Variants in KLHL29 observed in about 807,000 individuals in gnomAD.
KLHL29 encodes the protein kelch-like protein 29.
Under a neutral mutation model 80.4 loss-of-function variants are expected in KLHL29, and 21 were observed. The observed-to-expected ratio is 0.26, with a 90% confidence interval of 0.19 to 0.38. The LOEUF (loss-of-function observed/expected upper bound fraction) is 0.38, where lower values mean the gene tolerates loss of function less well. KLHL29 is among the 10% of genes least tolerant of loss of function. The pLI is 1.00. For missense variants in KLHL29, 867 were observed against 1,223.9 expected (o/e 0.71, Z 4.35); for synonymous variants, 511 against 526.8 (o/e 0.97, Z 0.41).
At position 23,596,033 on chromosome 2, in the gene KLHL29, G is replaced by T. The variant is rs1314438989; in HGVS notation, c.285+33552G>T. On this transcript the variant is annotated intron_variant, in intron 3 of 13. Transcript: ENST00000486442. This position sits in a 1 kb window ranked among gnomAD's most constrained non-coding sequence, Gnocchi z 4.4. ...TTTGTCAGGAGGACACCGTTTTGTGGCATTGGGTCCACATTTGCTGCCAGC... is the reference window on the plus strand; with the variant it reads ...TTTGTCAGGAGGACACCGTTTTGTGTCATTGGGTCCACATTTGCTGCCAGC... Among the ~76,000 whole-genome samples the T allele has an allele frequency of 6.6e-6, 1 of 152,196 alleles. No homozygotes were observed. The highest frequency in any genetic ancestry group is 6.5e-5 in the Admixed American group (1 of 15,288).
chr2:23,391,677 C>G (rs941045489), intron 1 of KLHL29, among the ~76,000 whole-genome samples: 1 of 152,132 alleles, frequency 6.6e-6, no homozygotes, highest in Non-Finnish European at 1.5e-5. Flanking sequence ...TCAGGTAATT[C>G]GCCTGTCTCT....
chr2:23,487,131 G>A (rs572015465), intron 2 of KLHL29, among the ~76,000 whole-genome samples: 58 of 151,726 alleles, frequency 3.8e-4, no homozygotes, highest in African/African-American at 1.2e-3. Context: ...CCACTCCCTC[G>A]TGCGAGCAGC....
chr2:23,599,847 C>G (rs1179538036), intron 3 of KLHL29, among the ~76,000 whole-genome samples: 1 of 152,242 alleles, frequency 6.6e-6, no homozygotes, highest in Non-Finnish European at 1.5e-5. Context: ...CCTCCCGTGC[C>G]TCTGTCCGCA....
At chr2:23,657,234 G>A (rs1670272017) in intron 5 of KLHL29, among the ~76,000 whole-genome samples, 1 of 152,184 alleles carries the variant, frequency 6.6e-6, no homozygotes, top group Non-Finnish European at 1.5e-5. Context: ...TAAATGTACG[G>A]AATTCCCCCA....
chr2:23,465,332 A>G (rs1311477754), intron 1 of KLHL29, among the ~76,000 whole-genome samples: 1 of 152,162 alleles, frequency 6.6e-6, no homozygotes. Flanking sequence ...CCAGGGCATC[A>G]CCTGCTCATG....
chr2:23,616,805 T>C (rs1669019611), intron 3 of KLHL29: 1 of 152,220 alleles, frequency 6.6e-6, no homozygotes, highest in African/African-American at 2.4e-5. Flanking sequence ...TGTGTGACTC[T>C]GGCACCGTTC....
At chr2:23,461,630 T>C (rs1664211789) in intron 1 of KLHL29, among the ~76,000 whole-genome samples, 1 of 151,484 alleles carries the variant, frequency 6.6e-6, no homozygotes, top group African/African-American at 2.4e-5. Context: ...CCGGTATCCA[T>C]ACGTGACCCC....
Position 23,643,258 on chromosome 2 carries a change from T to C in KLHL29, c.940+408T>C, listed in dbSNP as rs1046632615. The C allele has an allele frequency of 1.9e-5, 7 of 370,496 alleles. No individual in the cohort carries two copies. The Admixed American group carries it at 2.2e-4, about 12-fold the overall frequency. 23.0% of individuals were successfully genotyped at this position (370,496 alleles called of 1,614,324 possible). On this transcript the variant is annotated intron_variant, in intron 5 of 13. Coordinates refer to ENST00000486442, the MANE Select transcript of KLHL29 (RefSeq NM_052920.2). ...CTTTGGGGGCCTTCTCCACATTCCA[T>C]CCATGAGGACATTCAGAGCATGTAC...
At chr2:23,545,043 G>A (rs1666946691) in intron 2 of KLHL29, among the ~76,000 whole-genome samples, 1 of 152,198 alleles carries the variant, frequency 6.6e-6, no homozygotes, top group Admixed American at 6.5e-5. Flanking sequence ...AGGAAGGAAG[G>A]AGACGTGTTT....
chr2:23,687,682 T>C (rs944451113), intron 6 of KLHL29, among the ~76,000 whole-genome samples: 1 of 151,806 alleles, frequency 6.6e-6, no homozygotes, highest in African/African-American at 2.4e-5. Flanking sequence ...CTTGGAGAGG[T>C]GGCATCTGAT....
At chr2:23,661,610 T>C (rs921990408) in intron 5 of KLHL29, among the ~76,000 whole-genome samples, 3 of 152,244 alleles carry the variant, frequency 2.0e-5, no homozygotes, top group Admixed American at 6.5e-5. Context: ...AGGTCAGTTA[T>C]CTGGAAGGAC....
chr2:23,440,062 G>T (rs1663466796), intron 1 of KLHL29, among the ~76,000 whole-genome samples: 1 of 151,810 alleles, frequency 6.6e-6, no homozygotes. Context: ...TTACCATTAT[G>T]TAATGGCCTT....
At position 23,703,097 on chromosome 2, in the gene KLHL29, A is replaced by G. The variant is rs116432397; in HGVS notation, c.2106-89A>G. On this transcript the variant is annotated intron_variant, in intron 11 of 13. Transcript: ENST00000486442. ...TATGCTGGCCATGCTGAGGGCGAGGAGCAGATGGCAGTTTGCTGCCCTTGC... is the reference window on the plus strand; with the variant it reads ...TATGCTGGCCATGCTGAGGGCGAGGGGCAGATGGCAGTTTGCTGCCCTTGC... 83 of 936,306 alleles carry G rather than the reference A, an allele frequency of 8.9e-5. No homozygotes were observed. The African/African-American group carries it at 1.3e-3, about 15-fold the overall frequency. 58.0% of individuals were successfully genotyped at this position (936,306 alleles called of 1,614,324 possible).
At chr2:23,387,062 C>G (rs1666201373) in intron 1 of KLHL29, among the ~76,000 whole-genome samples, 1 of 152,182 alleles carries the variant, frequency 6.6e-6, no homozygotes, top group Admixed American at 6.5e-5. Context: ...CTGCCATCCC[C>G]GCCGCTCTGC....
At chr2:23,583,696 AAG>A (rs1263212662) in intron 3 of KLHL29, among the ~76,000 whole-genome samples, 1 of 152,206 alleles carries the variant, frequency 6.6e-6, no homozygotes, top group East Asian at 1.9e-4. Context: ...TAGCTGGAGT[AAG>A]AAAATGGAAA....
At chr2:23,441,633 G>A (rs1663527144) in intron 1 of KLHL29, among the ~76,000 whole-genome samples, 2 of 152,140 alleles carry the variant, frequency 1.3e-5, no homozygotes, top group African/African-American at 4.8e-5. Flanking sequence ...CAGCTAACAT[G>A]GCTTGACTGA....
In KLHL29 at chr2:23,579,208, C is replaced by T. The variant is rs151023953; in HGVS notation, c.285+16727C>T. ...CATGTGGTAAGTCTACAGTTCTGCC[C>T]ATTTACACACAAGGAAACTGAGTTT... On this transcript the variant is annotated intron_variant, in intron 3 of 13. Coordinates refer to ENST00000486442, the MANE Select transcript of KLHL29 (RefSeq NM_052920.2). Among the ~76,000 whole-genome samples, 231 of 152,318 alleles carry T rather than the reference C, an allele frequency of 1.5e-3. 1 individual carries two copies. Among genetic ancestry groups the T allele is most frequent in the Non-Finnish European group, 2.6e-3 (178 of 68,026 alleles).
intron 1 of KLHL29, among the ~76,000 whole-genome samples, chr2:23,452,118 C>T (rs1572329287): frequency 6.6e-6 from 1 of 151,964 alleles, no homozygotes; most frequent in African/African-American, 2.4e-5. Flanking sequence ...CTCAGTTGAT[C>T]CTCCCACCTC....
At chr2:23,464,752 G>A (rs1306393246) in intron 1 of KLHL29, among the ~76,000 whole-genome samples, 4 of 152,098 alleles carry the variant, frequency 2.6e-5, no homozygotes, top group Non-Finnish European at 4.4e-5. Flanking sequence ...GTGTTTTAAG[G>A]CATCGTCATT....
Sources: gnomAD v4.1 joint callset for allele counts (sites outside exome capture counted in the v4.1 genomes callset) on GRCh38, gnomAD v4.1.1 for gene constraint, Gnocchi (gnomAD v3.1) non-coding constraint, MANE v1.5 for transcripts, NCBI Gene and HGNC (gene_info 2026-07-23, HGNC 2026-07-21) for gene names.